Variants in UBXN4 observed in about 807,000 individuals in gnomAD.
UBXN4 encodes the protein UBX domain protein 4.
UBXN4 carries 35 observed loss-of-function variants against 66.2 expected under a neutral mutation model. The observed-to-expected ratio is 0.53, with a 90% CI of 0.40 to 0.70. UBXN4 has a LOEUF of 0.70. UBXN4 is among the 30% of genes least tolerant of loss of function. The probability of loss-of-function intolerance (pLI) is 0.00; values close to 1 mark genes in which losing one functional copy is unlikely to be tolerated. For synonymous variants in UBXN4, 203 were observed against 204.5 expected (o/e 0.99, Z 0.06); for missense variants, 533 against 599.8 (o/e 0.89, Z 1.16).
chr2:135,746,916 A>G (rs2077210465), intron 1 of UBXN4, among the ~76,000 whole-genome samples: 1 of 152,026 alleles, frequency 6.6e-6, no homozygotes, highest in South Asian at 2.1e-4. Context: ...TGTGTTAAGA[A>G]TAGACTTAGC....
At chr2:135,780,450 A>G in intron 12 of UBXN4, 65 bp downstream of exon 12, 1 of 1,515,464 alleles carries the variant, frequency 6.6e-7, no homozygotes, top group South Asian at 1.1e-5. Flanking sequence ...TTTTTAAGTA[A>G]AAAGTTGAGT....
chr2:135,770,706 C>G lies in UBXN4; in HGVS notation c.793C>G (p.Arg265Gly). 1 of 1,552,600 alleles carries G rather than the reference C, an allele frequency of 6.4e-7. No individual in the cohort carries two copies. Among genetic ancestry groups the G allele is most frequent in the Non-Finnish European group, 8.6e-7 (1 of 1,160,404 alleles). Residue 265 changes from arginine to glycine, a missense_variant, in exon 8 of 13, where the codon CGA becomes GGA. By Grantham distance (125) the Arg-to-Gly change is moderately radical. Coordinates refer to ENST00000272638, the MANE Select transcript of UBXN4 (RefSeq NM_014607.4). ...AGAGAAAGCAGAAGATAGGGCAGCTCGAGAACGTATAAAACAGCAGATTGC... is the reference window on the plus strand; with the variant it reads ...AGAGAAAGCAGAAGATAGGGCAGCTGGAGAACGTATAAAACAGCAGATTGC... ...NREKAEDRAA[R>G]ERIKQQIALD...
At position 135,776,268 on chromosome 2, in the gene UBXN4, T is replaced by C; in HGVS notation, c.970T>C (p.Phe324Leu). Residue 324 changes from phenylalanine (F) to leucine (L), a missense_variant, in exon 10 of 13, where the codon TTC becomes CTC. Coordinates refer to ENST00000272638, the MANE Select transcript of UBXN4 (RefSeq NM_014607.4). Reference sequence around the variant, plus strand: ...TCATAGCACTGTTGCAAGAATTCAATTCCGTCTTCCTGATGGTTCTTCCTT... The same window carrying C: ...TCATAGCACTGTTGCAAGAATTCAACTCCGTCTTCCTGATGGTTCTTCCTT... ...RERSTVARIQFRLPDGSSFTN... is the reference protein window; with the variant it reads ...RERSTVARIQLRLPDGSSFTN... The C allele has an allele frequency of 6.2e-7, 1 of 1,614,020 alleles. No homozygotes were observed. Among genetic ancestry groups the C allele is most frequent in the Non-Finnish European group, 8.5e-7 (1 of 1,179,942 alleles).
intron 9 of UBXN4, among the ~76,000 whole-genome samples, chr2:135,773,666 T>A (rs2077396670): frequency 6.6e-6 from 1 of 152,216 alleles, no homozygotes; most frequent in Non-Finnish European, 1.5e-5. Flanking sequence ...CAAAAAAAGT[T>A]TAGATTTCTA....
chr2:135,762,557 A>G (rs1444877924), intron 6 of UBXN4, among the ~76,000 whole-genome samples: 1 of 152,198 alleles, frequency 6.6e-6, no homozygotes, highest in African/African-American at 2.4e-5. Flanking sequence ...GAGAGACTTG[A>G]TATTTTCTTG....
chr2:135,775,574 C>T (rs953123676), intron 9 of UBXN4, among the ~76,000 whole-genome samples: 4 of 152,046 alleles, frequency 2.6e-5, no homozygotes, highest in African/African-American at 9.7e-5. Context: ...CACAACATGC[C>T]CAAAATAGAC....
chr2:135,770,747 GT>G lies in UBXN4; in HGVS notation c.822+15del. 6.8e-7 allele frequency: 1 copy of G among 1,477,110 alleles called. No homozygotes were observed. The highest frequency in any genetic ancestry group is 1.5e-5 in the South Asian group (1 of 65,942). The allele number at this position is 1,477,110 out of a possible 1,614,324, so 91.5% of individuals were successfully genotyped here. On this transcript the variant is annotated intron_variant, in intron 8 of 12. Transcript: ENST00000272638. Reference sequence around the variant, plus strand: ...AGCAGATTGCATTGGTAAGTCTTAAGTTTCCAGACATTCGTGAAACTGTTTT... The same window carrying G: ...AGCAGATTGCATTGGTAAGTCTTAAGTTCCAGACATTCGTGAAACTGTTTT...
At chr2:135,759,621 G>T (rs375850478) in intron 5 of UBXN4, among the ~76,000 whole-genome samples, 1 of 152,078 alleles carries the variant, frequency 6.6e-6, no homozygotes, top group Non-Finnish European at 1.5e-5. Context: ...TGTAGATGAT[G>T]ATGTATATTT....
intron 4 of UBXN4, among the ~76,000 whole-genome samples, chr2:135,754,839 C>T (rs1409324198): frequency 6.6e-6 from 1 of 152,132 alleles, no homozygotes; most frequent in Non-Finnish European, 1.5e-5. Context: ...GGCTGGAGTG[C>T]AGTGGACTGA....
chr2:135,779,024 A>G lies in UBXN4; in HGVS notation c.1130A>G (p.Lys377Arg), dbSNP rs1228859070. 1.2e-6 allele frequency: 2 copies of G among 1,613,834 alleles called. No homozygotes were observed. Among genetic ancestry groups the G allele is most frequent in the Admixed American group, 3.3e-5 (2 of 59,994 alleles). Residue 377 changes from lysine (K) to arginine (R), a missense_variant, in exon 11 of 13, where the codon AAA becomes AGA. Lys to Arg is a conservative substitution (Grantham distance 26). Coordinates refer to ENST00000272638, the MANE Select transcript of UBXN4 (RefSeq NM_014607.4). ...PRREFTKEDY[K>R]KKLLDLELAP... ...AGGGAATTTACCAAAGAAGATTATA[A>G]AAAGAAGTTACTGGATTTGGAACTT...
chr2:135,762,461 T>TGATTTAAACCCC (rs2077321228), intron 6 of UBXN4, among the ~76,000 whole-genome samples: 1 of 152,228 alleles, frequency 6.6e-6, no homozygotes, highest in East Asian at 1.9e-4. Context: ...TTTTAAACCC[T>TGATTTAAACCCC]GATTTAAACC....
intron 11 of UBXN4, among the ~76,000 whole-genome samples, chr2:135,779,975 A>G (rs2077439963): frequency 6.7e-6 from 1 of 149,880 alleles, no homozygotes; most frequent in African/African-American, 2.4e-5. Flanking sequence ...ACAATTGTAT[A>G]ATATTGTATA....
chr2:135,747,608 G>A (rs1260371654), intron 1 of UBXN4: 2 of 456,468 alleles, frequency 4.4e-6, no homozygotes, highest in South Asian at 3.1e-5. Flanking sequence ...CAACAGAAAG[G>A]TGCCACATAA....
chr2:135,766,085 A>G (rs1367070246), intron 6 of UBXN4, among the ~76,000 whole-genome samples: 3 of 151,918 alleles, frequency 2.0e-5, no homozygotes, highest in Non-Finnish European at 2.9e-5. Context: ...CCCAGGACGT[A>G]GAGATTGCAG....
At chr2:135,777,639 C>G (rs1187923343) in intron 10 of UBXN4, among the ~76,000 whole-genome samples, 1 of 152,140 alleles carries the variant, frequency 6.6e-6, no homozygotes, top group African/African-American at 2.4e-5. Flanking sequence ...GTAATCCCAG[C>G]ATTTTGGGAG....
intron 6 of UBXN4, among the ~76,000 whole-genome samples, chr2:135,765,254 A>G (rs114607163): frequency 0.048 from 7,285 of 151,292 alleles, 328 homozygotes; most frequent in South Asian, 0.18. Flanking sequence ...TTGTCGCCCA[A>G]GCTGGGGTGC....
chr2:135,766,133 A>G lies in UBXN4; in HGVS notation c.603-3636A>G, dbSNP rs1000896614. ...ATGCCATTGCACTCCAGCGTGGGCA[A>G]TAAGAGAGAAAAGCCATCTCAAAAA... On this transcript the variant is annotated intron_variant, in intron 6 of 12. Coordinates refer to ENST00000272638, the MANE Select transcript of UBXN4 (RefSeq NM_014607.4). Among the ~76,000 whole-genome samples, 8 of 152,096 alleles carry G rather than the reference A, an allele frequency of 5.3e-5. No homozygotes were observed. The East Asian group carries it at 1.4e-3, about 26-fold the overall frequency.
intron 9 of UBXN4, 81 bp from the exon 10 acceptor site, chr2:135,776,168 C>G: frequency 8.4e-7 from 1 of 1,185,494 alleles, no homozygotes. Context: ...CACATTTCCA[C>G]TTCCATTTTC....
intron 6 of UBXN4, among the ~76,000 whole-genome samples, chr2:135,765,339 A>G (rs1285770038): frequency 6.6e-6 from 1 of 151,774 alleles, no homozygotes; most frequent in East Asian, 1.9e-4. Flanking sequence ...CCTCCCGAGT[A>G]GCTGGGATTA....
Sources: allele counts gnomAD v4.1 joint callset (sites outside exome capture counted in the v4.1 genomes callset), GRCh38; gene constraint gnomAD v4.1.1; transcripts MANE v1.5; gene names NCBI Gene and HGNC (gene_info 2026-07-23, HGNC 2026-07-21).